ATG7: variants seen among roughly 807,000 people sequenced by gnomAD.
The protein encoded by ATG7 is autophagy related 7, also known as ubiquitin-like modifier-activating enzyme ATG7.
Under a neutral mutation model 82.4 loss-of-function variants are expected in ATG7, and 70 were observed. That is an observed-to-expected ratio of 0.85 (90% CI 0.70 to 1.04). The LOEUF (loss-of-function observed/expected upper bound fraction) is 1.04, where lower values mean the gene tolerates loss of function less well. Among genes scored for constraint, ATG7 ranks in the 50% least tolerant of loss-of-function variants. The pLI, the probability that ATG7 is intolerant of heterozygous loss-of-function variation, is 0.00. For missense variants in ATG7, 792 were observed against 864.3 expected (o/e 0.92, Z 1.05); for synonymous variants, 287 against 313.0 (o/e 0.92, Z 0.88).
intron 3 of ATG7, among the ~76,000 whole-genome samples, chr3:11,295,900 T>G (rs962319563): frequency 6.6e-6 from 1 of 151,804 alleles, no homozygotes. Context: ...TGCCTCAGCC[T>G]CCCAAGTAGC....
At chr3:11,464,307 G>A (rs1394679255) in intron 20 of ATG7, among the ~76,000 whole-genome samples, 1 of 152,214 alleles carries the variant, frequency 6.6e-6, no homozygotes, top group East Asian at 1.9e-4. Context: ...AAGAGGTCGA[G>A]ACTGCAGTGA....
At chr3:11,460,016 T>C (rs1370565178) in intron 20 of ATG7, among the ~76,000 whole-genome samples, 1 of 152,338 alleles carries the variant, frequency 6.6e-6, no homozygotes, top group Middle Eastern at 3.4e-3. Context: ...AGATTTATCT[T>C]ACTGCAGTCA....
intron 20 of ATG7, among the ~76,000 whole-genome samples, chr3:11,486,640 T>A (rs1034970742): frequency 2.0e-5 from 3 of 151,966 alleles, no homozygotes; most frequent in African/African-American, 7.3e-5. Flanking sequence ...ATGCTTCCAG[T>A]TTTTGCCCAT....
chr3:11,311,460 T>C (rs1039979745), intron 7 of ATG7, among the ~76,000 whole-genome samples: 5 of 151,600 alleles, frequency 3.3e-5, no homozygotes, highest in African/African-American at 4.8e-5. Context: ...AAAAAAAAAT[T>C]AGCTGTGCAT....
intron 20 of ATG7, among the ~76,000 whole-genome samples, chr3:11,487,087 C>T (rs2089769050): frequency 6.7e-6 from 1 of 149,988 alleles, no homozygotes; most frequent in African/African-American, 2.5e-5. Context: ...ACATCTTGCA[C>T]CGCCCTTAAT....
At position 11,301,958 on chromosome 3, in the gene ATG7, CTTAA is replaced by C. The variant is rs547689405; in HGVS notation, c.215+2548_215+2551del. 3.0e-4 allele frequency among the ~76,000 whole-genome samples: 46 copies of C among 152,294 alleles called. No homozygotes were observed. The South Asian group carries it at 8.9e-3, about 29-fold the overall frequency. On this transcript the variant is annotated intron_variant, in intron 5 of 20. Coordinates refer to ENST00000693202, the MANE Select transcript of ATG7 (RefSeq NM_001349232.2). ...TACTACAAAATGTGAGCATCTTAAA[CTTAA>C]TTAATCTAAAAATTTTGGTTGAAGG...
chr3:11,402,852 A>G (rs2079968070), intron 19 of ATG7, among the ~76,000 whole-genome samples: 1 of 152,238 alleles, frequency 6.6e-6, no homozygotes, highest in African/African-American at 2.4e-5. Flanking sequence ...ATCGACGTCA[A>G]CAATTACCTG....
At chr3:11,498,245 C>T (rs1287015808) in intron 20 of ATG7, among the ~76,000 whole-genome samples, 1 of 152,136 alleles carries the variant, frequency 6.6e-6, no homozygotes, top group Non-Finnish European at 1.5e-5. Flanking sequence ...AATTTGATTC[C>T]AGTGTGCCCC....
At chr3:11,409,944 C>A (rs1239796138) in intron 19 of ATG7, among the ~76,000 whole-genome samples, 1 of 152,092 alleles carries the variant, frequency 6.6e-6, no homozygotes, top group Non-Finnish European at 1.5e-5. Flanking sequence ...TTTATTCTTT[C>A]ACCAACCACA....
At chr3:11,337,553 A>G (rs894850123) in intron 11 of ATG7, among the ~76,000 whole-genome samples, 1 of 152,054 alleles carries the variant, frequency 6.6e-6, no homozygotes, top group African/African-American at 2.4e-5. Context: ...GGATGCAGGT[A>G]TGGTAAATTA....
chr3:11,316,485 C>T (rs939139488), intron 9 of ATG7, among the ~76,000 whole-genome samples: 2 of 152,194 alleles, frequency 1.3e-5, no homozygotes, highest in African/African-American at 4.8e-5. Context: ...AATTCTATCT[C>T]CACTGTGAAG....
At chr3:11,438,121 T>C (rs1471323577) in intron 20 of ATG7, among the ~76,000 whole-genome samples, 1 of 152,142 alleles carries the variant, frequency 6.6e-6, no homozygotes, top group Non-Finnish European at 1.5e-5. Flanking sequence ...GGAGACACAA[T>C]TACCCTATTA....
chr3:11,538,677 TAAAAAAAAAAAAA>T (rs560029572), intron 20 of ATG7, among the ~76,000 whole-genome samples: 4 of 47,640 alleles, frequency 8.4e-5, no homozygotes, highest in Admixed American at 8.2e-4. Context: ...ACTCCGTCTC[TAAAAAAAAAAAAA>T]AAAAAAAAAA....
chr3:11,464,142 C>G (rs757655526), intron 20 of ATG7, among the ~76,000 whole-genome samples: 2 of 152,160 alleles, frequency 1.3e-5, no homozygotes, highest in African/African-American at 4.8e-5. Context: ...GAGGCCAAGG[C>G]AGGCGGATCA....
Position 11,439,019 on chromosome 3 carries a change from AT to A in ATG7, c.2079+12098del, listed in dbSNP as rs554383064. On this transcript the variant is annotated intron_variant, in intron 20 of 20. Coordinates refer to ENST00000693202, the MANE Select transcript of ATG7 (RefSeq NM_001349232.2). ...ATTTTGAGACTGTAAAATTAAATTG[AT>A]TTTTAGTTCTGAGCTCTTAGTCTTA... Among the ~76,000 whole-genome samples, 18 of 146,372 alleles carry A rather than the reference AT, an allele frequency of 1.2e-4. No individual in the cohort carries two copies. The South Asian group carries it at 3.8e-3, about 31-fold the overall frequency.
At chr3:11,561,916 T>TA (rs1553719589), downstream of ATG7, among the ~76,000 whole-genome samples, 17 of 148,366 alleles carry the variant, frequency 1.1e-4, no homozygotes, top group South Asian at 1.9e-3. Context: ...TTTTTTTTTT[T>TA]AAAGACAAAG....
At chr3:11,463,240 G>A (rs534052707) in intron 20 of ATG7, among the ~76,000 whole-genome samples, 1 of 152,164 alleles carries the variant, frequency 6.6e-6, no homozygotes, top group Admixed American at 6.5e-5. Context: ...AACTACTACT[G>A]ACTTCAGCTT....
chr3:11,381,261 C>A (rs2077877340), intron 19 of ATG7, among the ~76,000 whole-genome samples: 1 of 152,080 alleles, frequency 6.6e-6, no homozygotes, highest in African/African-American at 2.4e-5. Flanking sequence ...TTCAGAAATG[C>A]AAGTTTTAGG....
In ATG7 at chr3:11,342,125, C is replaced by G. The variant is rs1953741394; in HGVS notation, c.981-10C>G. 11 of 1,608,372 alleles carry G rather than the reference C, an allele frequency of 6.8e-6. No individual in the cohort carries two copies. The highest frequency in any genetic ancestry group is 8.5e-6 in the Non-Finnish European group (10 of 1,178,364). On this transcript the variant is annotated splice_polypyrimidine_tract_variant and intron_variant, in intron 12 of 20. Coordinates refer to ENST00000693202, the MANE Select transcript of ATG7 (RefSeq NM_001349232.2). ...GGAGTGACTGAATAAGTAAATCTCTCCTTTTCTAGGTTAGCTGAGTCATCA... is the reference window on the plus strand; with the variant it reads ...GGAGTGACTGAATAAGTAAATCTCTGCTTTTCTAGGTTAGCTGAGTCATCA...
Sources: gnomAD v4.1 joint callset for allele counts (sites outside exome capture counted in the v4.1 genomes callset) on GRCh38, gnomAD v4.1.1 for gene constraint, MANE v1.5 for transcripts, NCBI Gene and HGNC (gene_info 2026-07-23, HGNC 2026-07-21) for gene names.